NPAS3: variants seen among roughly 807,000 people sequenced by gnomAD.
NPAS3 encodes the protein neuronal PAS domain protein 3.
NPAS3 carries 14 observed loss-of-function variants against 73.1 expected under a neutral mutation model. That is an observed-to-expected ratio of 0.19 (90% CI 0.13 to 0.30). The LOEUF is 0.30. Among genes scored for constraint, NPAS3 ranks in the 10% least tolerant of loss-of-function variants. The pLI is 1.00. For missense variants in NPAS3, 1,096 were observed against 1,250.0 expected, an observed-to-expected ratio of 0.88 and a Z score of 1.86; for synonymous variants, 620 against 541.5, an observed-to-expected ratio of 1.14 and a Z score of -2.01.
At chr14:33,243,701 T>C (rs2048284326) in intron 3 of NPAS3, among the ~76,000 whole-genome samples, 1 of 151,842 alleles carries the variant, frequency 6.6e-6, no homozygotes, top group Non-Finnish European at 1.5e-5. Flanking sequence ...ACAAAGATGC[T>C]ACCTTTGGCA....
At chr14:33,756,872 C>T (rs916835617) in intron 7 of NPAS3, among the ~76,000 whole-genome samples, 1 of 152,158 alleles carries the variant, frequency 6.6e-6, no homozygotes, top group Non-Finnish European at 1.5e-5. Context: ...TACCTAGGTG[C>T]TGATTGGGTA....
At chr14:33,073,626 C>G (rs1341622112) in intron 2 of NPAS3, among the ~76,000 whole-genome samples, 1 of 152,114 alleles carries the variant, frequency 6.6e-6, no homozygotes, top group Non-Finnish European at 1.5e-5. Flanking sequence ...AATGAACAAG[C>G]CACGTCTGTA....
At chr14:33,359,908 T>C (rs2045515310) in intron 3 of NPAS3, among the ~76,000 whole-genome samples, 1 of 152,172 alleles carries the variant, frequency 6.6e-6, no homozygotes, top group Non-Finnish European at 1.5e-5. Context: ...TAGAGGAAAG[T>C]GTTCACTGAA....
intron 4 of NPAS3, among the ~76,000 whole-genome samples, chr14:33,431,201 G>A (rs752375261): frequency 6.6e-6 from 1 of 152,020 alleles, no homozygotes; most frequent in Non-Finnish European, 1.5e-5. Flanking sequence ...CATGATTTTT[G>A]ATTTGTTACT....
intron 2 of NPAS3, among the ~76,000 whole-genome samples, chr14:33,117,094 G>A (rs991145562): frequency 8.6e-5 from 13 of 151,860 alleles, no homozygotes; most frequent in African/African-American, 1.9e-4. Context: ...ATAGTTGTTC[G>A]TATTTATGGG....
chr14:33,132,603 G>A (rs917492387), intron 2 of NPAS3, among the ~76,000 whole-genome samples: 3 of 152,046 alleles, frequency 2.0e-5, no homozygotes, highest in African/African-American at 7.2e-5. Context: ...AGTGAGGGAT[G>A]GTGAGAAGAC....
chr14:32,959,161 C>T (rs2036803736), intron 1 of NPAS3, among the ~76,000 whole-genome samples: 1 of 152,202 alleles, frequency 6.6e-6, no homozygotes, highest in African/African-American at 2.4e-5. Flanking sequence ...TCTTTGACCT[C>T]CTGGTTTTTA....
chr14:33,277,338 C>T (rs1200876160), intron 3 of NPAS3, among the ~76,000 whole-genome samples: 4 of 152,280 alleles, frequency 2.6e-5, no homozygotes, highest in Middle Eastern at 3.4e-3. Context: ...ATGCAGTTCA[C>T]TGTATCTGAG....
intron 5 of NPAS3, among the ~76,000 whole-genome samples, chr14:33,560,771 A>G (rs2055607064): frequency 6.6e-6 from 1 of 152,184 alleles, no homozygotes; most frequent in Non-Finnish European, 1.5e-5. Context: ...AATTACTCAC[A>G]TGTGTTTTTC....
chr14:33,094,391 A>C (rs956783574), intron 2 of NPAS3, among the ~76,000 whole-genome samples: 1 of 152,032 alleles, frequency 6.6e-6, no homozygotes, highest in Non-Finnish European at 1.5e-5. Context: ...ATATCGAATA[A>C]TTTTAATTTA....
chr14:33,452,572 A>G (rs1271839744), intron 4 of NPAS3, among the ~76,000 whole-genome samples: 1 of 151,936 alleles, frequency 6.6e-6, no homozygotes, highest in African/African-American at 2.4e-5. Flanking sequence ...GGAGATCAAG[A>G]CCATCCTGGC....
chr14:33,682,957 C>G (rs74594137), intron 6 of NPAS3, among the ~76,000 whole-genome samples: 1 of 152,186 alleles, frequency 6.6e-6, no homozygotes, highest in Non-Finnish European at 1.5e-5. Context: ...TTGACCCACA[C>G]GTTGATGACG....
chr14:33,091,399 A>G (rs935631076), intron 2 of NPAS3, among the ~76,000 whole-genome samples: 3 of 152,254 alleles, frequency 2.0e-5, no homozygotes, highest in Admixed American at 1.3e-4. Flanking sequence ...GAAGAAATGG[A>G]TAAATTCCTT....
chr14:33,694,558 CT>C (rs1566434451), intron 6 of NPAS3, among the ~76,000 whole-genome samples: 1 of 152,108 alleles, frequency 6.6e-6, no homozygotes, highest in South Asian at 2.1e-4. Flanking sequence ...TGTCAAAGAT[CT>C]GCTGTAACTT....
chr14:33,119,356 ACTT>A (rs1166951089), intron 2 of NPAS3, among the ~76,000 whole-genome samples: 1 of 151,984 alleles, frequency 6.6e-6, no homozygotes, highest in East Asian at 1.9e-4. Context: ...CCAATCCACA[ACTT>A]CTCCCTTTCA....
chr14:33,312,766 T>A (rs2043054417), intron 3 of NPAS3, among the ~76,000 whole-genome samples: 1 of 152,068 alleles, frequency 6.6e-6, no homozygotes, highest in African/African-American at 2.4e-5. Context: ...GTTGTGAGGA[T>A]GACTGAAACA....
chr14:32,935,423 T>G (rs2035666410), upstream of NPAS3, among the ~76,000 whole-genome samples: 1 of 152,238 alleles, frequency 6.6e-6, no homozygotes, highest in Admixed American at 6.5e-5. Flanking sequence ...GATTGATCAT[T>G]TGTTTCCAAA....
At position 33,238,053 on chromosome 14, in the gene NPAS3, G is replaced by C. The variant is rs535043441; in HGVS notation, c.385+22627G>C. 3.3e-5 allele frequency among the ~76,000 whole-genome samples: 5 copies of C among 151,970 alleles called. No homozygotes were observed. The East Asian group carries it at 9.7e-4, about 29-fold the overall frequency. ...AAAAATTAAAACATTGATTGGCTCA[G>C]AAAAAATGAACTAACGTGTTTTGGG... On this transcript the variant is annotated intron_variant, in intron 3 of 11. Transcript: ENST00000356141.
At chr14:33,379,714 T>C (rs987901032) in intron 4 of NPAS3, among the ~76,000 whole-genome samples, 2 of 152,132 alleles carry the variant, frequency 1.3e-5, no homozygotes, top group Admixed American at 6.6e-5. Flanking sequence ...TGGGTGATAA[T>C]GTGCATCGTT....
Sources: gnomAD v4.1 joint callset for allele counts (sites outside exome capture counted in the v4.1 genomes callset) on GRCh38, gnomAD v4.1.1 for gene constraint, MANE v1.5 for transcripts, NCBI Gene and HGNC (gene_info 2026-07-23, HGNC 2026-07-21) for gene names.